TMEM117: variants seen among roughly 807,000 people sequenced by gnomAD.
TMEM117 encodes the protein transmembrane protein 117.
Under a neutral mutation model 52.4 loss-of-function variants are expected in TMEM117, and 27 were observed. That is an observed-to-expected ratio of 0.51 (90% confidence interval 0.38 to 0.71). TMEM117 has a LOEUF of 0.71. Ranked by LOEUF, TMEM117 falls within the 30% of genes least tolerant of loss-of-function variation. The probability of loss-of-function intolerance (pLI) is 0.00; values close to 1 mark genes in which losing one functional copy is unlikely to be tolerated. For synonymous variants in TMEM117, 215 were observed against 206.3 expected (o/e 1.04, Z -0.36); for missense variants, 556 against 630.5 (o/e 0.88, Z 1.26).
chr12:43,842,818 A>G (rs547162221), intron 1 of TMEM117, among the ~76,000 whole-genome samples: 1 of 152,156 alleles, frequency 6.6e-6, no homozygotes, highest in East Asian at 1.9e-4. Flanking sequence ...GTGTCTGGAG[A>G]AGAACATGTC....
Position 44,044,508 on chromosome 12 carries a change from C to T in TMEM117, c.411-99017C>T, listed in dbSNP as rs577668460. Reference sequence around the variant, plus strand: ...CACCATCAAATGGAAGTGGTATATACGTGATAGGGCTCAAGTAGGTCCTGA... The same window carrying T: ...CACCATCAAATGGAAGTGGTATATATGTGATAGGGCTCAAGTAGGTCCTGA... On this transcript the variant is annotated intron_variant, in intron 3 of 7. Coordinates refer to ENST00000266534, the MANE Select transcript of TMEM117 (RefSeq NM_032256.3). 7.2e-5 allele frequency among the ~76,000 whole-genome samples: 11 copies of T among 152,240 alleles called. No homozygotes were observed. The East Asian group carries it at 7.7e-4, about 11-fold the overall frequency.
chr12:43,865,402 C>G (rs1371162075), intron 2 of TMEM117, among the ~76,000 whole-genome samples: 1 of 152,088 alleles, frequency 6.6e-6, no homozygotes, highest in African/African-American at 2.4e-5. Flanking sequence ...TGGGCAAAAA[C>G]TAATGTAGAT....
intron 5 of TMEM117, chr12:44,263,343 C>T (rs1232766748): frequency 6.6e-6 from 1 of 152,064 alleles, no homozygotes; most frequent in Non-Finnish European, 1.5e-5. Flanking sequence ...ATTAAAAAGT[C>T]AGGAAACTAC....
intron 2 of TMEM117, among the ~76,000 whole-genome samples, chr12:43,908,360 A>T (rs1246546199): frequency 2.4e-5 from 2 of 83,080 alleles, no homozygotes; most frequent in African/African-American, 5.7e-5. Flanking sequence ...TAAACATGGA[A>T]AGGAACAACC....
intron 3 of TMEM117, among the ~76,000 whole-genome samples, chr12:44,000,249 A>G (rs940636871): frequency 2.0e-5 from 3 of 152,186 alleles, no homozygotes; most frequent in African/African-American, 7.2e-5. Flanking sequence ...GGCAGGAGAG[A>G]ACCTCCCTCG....
intron 3 of TMEM117, among the ~76,000 whole-genome samples, chr12:43,958,248 C>T (rs1040592774): frequency 1.3e-5 from 2 of 152,178 alleles, no homozygotes; most frequent in Non-Finnish European, 2.9e-5. Context: ...AATACTGTGT[C>T]TAGCACTGAG....
At chr12:44,105,393 A>T (rs998561045) in intron 3 of TMEM117, among the ~76,000 whole-genome samples, 3 of 152,034 alleles carry the variant, frequency 2.0e-5, no homozygotes, top group African/African-American at 7.2e-5. Flanking sequence ...TAGAATCTTT[A>T]GAATATTAAT....
intron 3 of TMEM117, among the ~76,000 whole-genome samples, chr12:43,962,934 T>C (rs909819845): frequency 1.4e-5 from 2 of 142,786 alleles, no homozygotes; most frequent in East Asian, 4.0e-4. Flanking sequence ...AGACTCCGTT[T>C]AAAAAAAAAA....
intron 3 of TMEM117, among the ~76,000 whole-genome samples, chr12:43,982,946 T>A (rs1945785138): frequency 6.6e-6 from 1 of 152,194 alleles, no homozygotes; most frequent in African/African-American, 2.4e-5. Context: ...GATTAACAGA[T>A]CTCATTTTTA....
chr12:44,009,867 A>T (rs1482725235), intron 3 of TMEM117: 1 of 275,270 alleles, frequency 3.6e-6, no homozygotes, highest in African/African-American at 2.3e-5. Flanking sequence ...CTGCTCTAAC[A>T]TCAATATTTC....
At chr12:43,833,608 C>T (rs1412243366), upstream of TMEM117, among the ~76,000 whole-genome samples, 4 of 151,928 alleles carry the variant, frequency 2.6e-5, no homozygotes, top group Admixed American at 6.6e-5. Flanking sequence ...AGGTGGGCAA[C>T]GTAGACCCTG....
chr12:44,350,143 A>G (rs1238408516), intron 6 of TMEM117, among the ~76,000 whole-genome samples: 1 of 152,060 alleles, frequency 6.6e-6, no homozygotes, highest in Non-Finnish European at 1.5e-5. Flanking sequence ...TTCTGGGAAC[A>G]GCCTGTCTTC....
At chr12:44,220,135 A>C (rs1036730281) in intron 5 of TMEM117, among the ~76,000 whole-genome samples, 3 of 152,210 alleles carry the variant, frequency 2.0e-5, no homozygotes. Flanking sequence ...CAGTGTGTTG[A>C]CTGGGAATTT....
chr12:44,121,768 G>A (rs1742836831), intron 3 of TMEM117, among the ~76,000 whole-genome samples: 1 of 152,108 alleles, frequency 6.6e-6, no homozygotes, highest in African/African-American at 2.4e-5. Context: ...TAAGTTGTGT[G>A]TTGTGGCAGT....
At chr12:43,974,372 ACT>A (rs1343518908) in intron 3 of TMEM117, among the ~76,000 whole-genome samples, 2 of 152,066 alleles carry the variant, frequency 1.3e-5, no homozygotes, top group Non-Finnish European at 2.9e-5. Flanking sequence ...TATTCAGAAA[ACT>A]TTTCCTTTTA....
chr12:43,810,984 G>A, the TMEM117 span, among the ~76,000 whole-genome samples: 5 of 152,136 alleles, frequency 3.3e-5, no homozygotes, highest in African/African-American at 7.2e-5. Flanking sequence ...CTGTTCAAAA[G>A]TAATTTATTA....
At chr12:44,285,751 A>T (rs943135308) in intron 5 of TMEM117, among the ~76,000 whole-genome samples, 1 of 152,252 alleles carries the variant, frequency 6.6e-6, no homozygotes, top group Non-Finnish European at 1.5e-5. Context: ...CATTAAAACA[A>T]GGAAAATGAA....
intron 6 of TMEM117, among the ~76,000 whole-genome samples, chr12:44,318,990 T>G (rs1324924878): frequency 1.3e-5 from 2 of 152,160 alleles, no homozygotes; most frequent in African/African-American, 2.4e-5. Flanking sequence ...GCTACAAGTC[T>G]CATTGCTCAA....
intron 3 of TMEM117, among the ~76,000 whole-genome samples, chr12:44,114,623 G>T (rs571211748): frequency 6.6e-6 from 1 of 152,196 alleles, no homozygotes; most frequent in South Asian, 2.1e-4. Context: ...TCTGTGCTTT[G>T]TTTTCTCCAT....
Sources: allele counts gnomAD v4.1 joint callset (sites outside exome capture counted in the v4.1 genomes callset), GRCh38; gene constraint gnomAD v4.1.1; transcripts MANE v1.5; gene names NCBI Gene and HGNC (gene_info 2026-07-23, HGNC 2026-07-21).